The following IL7 variants were observed in gnomAD, a reference collection of about 807,000 sequenced individuals.
IL7 encodes interleukin-7.
In IL7, 3 loss-of-function variants were observed where a neutral mutation model predicts 21.6. The ratio of observed to expected loss-of-function variants is 0.14; its 90% CI spans 0.06 to 0.36. The LOEUF (loss-of-function observed/expected upper bound fraction) is 0.36, where lower values mean the gene tolerates loss of function less well. Ranked by LOEUF, IL7 falls within the 10% of genes least tolerant of loss-of-function variation. The pLI is 1.00. For missense variants in IL7, 175 were observed against 200.2 expected (o/e 0.87, Z 0.76); for synonymous variants, 62 against 68.1 (o/e 0.91, Z 0.44).
At chr8:78,797,999 T>C in intron 2 of IL7, 73 bp downstream of exon 2, 1 of 1,211,680 alleles carries the variant, frequency 8.3e-7, no homozygotes. Context: ...TACTTGATTA[T>C]AAAACTGCAT....
downstream of IL7, among the ~76,000 whole-genome samples, chr8:78,714,676 C>A (rs1371010797): frequency 6.6e-6 from 1 of 152,104 alleles, no homozygotes; most frequent in Non-Finnish European, 1.5e-5. Context: ...CCTCTGATTT[C>A]GGATAGCCCA....
intron 2 of IL7, among the ~76,000 whole-genome samples, chr8:78,767,979 T>C (rs1812813405): frequency 6.6e-6 from 1 of 151,958 alleles, no homozygotes. Flanking sequence ...GTCCCTGTGT[T>C]CTCATTGTTC....
intron 2 of IL7, among the ~76,000 whole-genome samples, chr8:78,782,046 T>C (rs1414616747): frequency 6.6e-6 from 1 of 152,222 alleles, no homozygotes; most frequent in African/African-American, 2.4e-5. Context: ...GTTCTTGTGT[T>C]GTATTTTTCA....
intron 2 of IL7, chr8:78,760,340 C>T (rs1308099036): frequency 7.5e-6 from 12 of 1,609,932 alleles, no homozygotes; most frequent in African/African-American, 1.3e-5. Context: ...CATTTTCATA[C>T]CGCTCATTCT....
At chr8:78,735,312 G>GTTTTTTTTTTTTTT (rs144374908) in intron 5 of IL7, among the ~76,000 whole-genome samples, 28 of 71,966 alleles carry the variant, frequency 3.9e-4, no homozygotes, top group South Asian at 8.9e-4. Context: ...TTTTTGCTCT[G>GTTTTTTTTTTTTTT]TTTTTTGTTT....
At chr8:78,762,664 C>G (rs1157220282) in intron 2 of IL7, among the ~76,000 whole-genome samples, 1 of 141,556 alleles carries the variant, frequency 7.1e-6, no homozygotes, top group Non-Finnish European at 1.5e-5. Context: ...TTTTTTTTTT[C>G]TATTGTGTCC....
intron 2 of IL7, among the ~76,000 whole-genome samples, chr8:78,782,572 G>T (rs2130810932): frequency 6.6e-6 from 1 of 152,236 alleles, no homozygotes. Context: ...CAACAGCAAA[G>T]ATGGCTTACT....
At chr8:78,801,266 T>C (rs1217282039) in intron 1 of IL7, among the ~76,000 whole-genome samples, 2 of 152,208 alleles carry the variant, frequency 1.3e-5, no homozygotes, top group East Asian at 3.8e-4. Flanking sequence ...GAGATTTCAC[T>C]AGAAGCTTGT....
intron 1 of IL7, among the ~76,000 whole-genome samples, chr8:78,799,041 G>C (rs1813962681): frequency 6.6e-6 from 1 of 152,080 alleles, no homozygotes. Context: ...AAAGCCAGTG[G>C]TTCCCACAAA....
chr8:78,802,525 G>A (rs888252150), intron 1 of IL7, among the ~76,000 whole-genome samples: 4 of 151,428 alleles, frequency 2.6e-5, no homozygotes, highest in African/African-American at 9.7e-5. Flanking sequence ...CAGCCTCCCA[G>A]GTTCAAGTGA....
At chr8:78,690,734 C>T (rs1810184722) in intron 3 of IL7, among the ~76,000 whole-genome samples, 1 of 151,752 alleles carries the variant, frequency 6.6e-6, no homozygotes, top group African/African-American at 2.4e-5. Flanking sequence ...GTTCATGAAC[C>T]TGTTATATTT....
At chr8:78,781,643 C>T (rs992039436) in intron 2 of IL7, among the ~76,000 whole-genome samples, 2 of 152,038 alleles carry the variant, frequency 1.3e-5, no homozygotes, top group African/African-American at 4.8e-5. Flanking sequence ...TCTGGCTGCC[C>T]TTAATATTTT....
chr8:78,709,694 C>T (rs1586028138), intron 3 of IL7, among the ~76,000 whole-genome samples: 2 of 148,992 alleles, frequency 1.3e-5, no homozygotes, highest in East Asian at 2.0e-4. Flanking sequence ...ATAAAATACA[C>T]GAACGCTAAT....
chr8:78,718,019 A>G (rs904815882), exon 7 of IL7: 2 of 152,090 alleles, frequency 1.3e-5, no homozygotes, highest in African/African-American at 4.8e-5. Context: ...GCATGTCAAC[A>G]AATTATTTCA....
intron 2 of IL7, among the ~76,000 whole-genome samples, chr8:78,742,589 A>G (rs1811828250): frequency 6.6e-6 from 1 of 152,142 alleles, no homozygotes; most frequent in African/African-American, 2.4e-5. Flanking sequence ...TACAGTATAC[A>G]CTTAATTACA....
chr8:78,750,416 T>C (rs1045819242), intron 2 of IL7, among the ~76,000 whole-genome samples: 6 of 151,796 alleles, frequency 4.0e-5, no homozygotes, highest in Admixed American at 3.3e-4. Flanking sequence ...AAAAAAAAAT[T>C]ACAAGGCATA....
At chr8:78,785,668 C>T (rs1813487089) in intron 2 of IL7, among the ~76,000 whole-genome samples, 2 of 152,112 alleles carry the variant, frequency 1.3e-5, no homozygotes, top group East Asian at 1.9e-4. Context: ...AGAATGGATG[C>T]TTATATTCTA....
chr8:78,693,198 T>G (rs1207492645), intron 3 of IL7, among the ~76,000 whole-genome samples: 2 of 152,130 alleles, frequency 1.3e-5, no homozygotes, highest in South Asian at 2.1e-4. Flanking sequence ...ACATACGTGT[T>G]TATGTGTCTT....
At chr8:78,747,190 T>G (rs1242942087) in intron 2 of IL7, 1 of 165,724 alleles carries the variant, frequency 6.0e-6, no homozygotes. Context: ...CTTCATTGCT[T>G]TTTTTTTTTT....
Sources: gnomAD v4.1 joint callset for allele counts (sites outside exome capture counted in the v4.1 genomes callset) on GRCh38, gnomAD v4.1.1 for gene constraint, MANE v1.5 for transcripts, NCBI Gene and HGNC (gene_info 2026-07-23, HGNC 2026-07-21) for gene names.